Variants in RXYLT1 observed in about 807,000 individuals in gnomAD.
RXYLT1 encodes ribitol-5-phosphate xylosyltransferase 1.
RXYLT1 carries 41 observed loss-of-function variants against 43.5 expected under a neutral mutation model. That is an observed-to-expected ratio of 0.94 (90% CI 0.73 to 1.22). RXYLT1 has a LOEUF of 1.22. Ranked by LOEUF, RXYLT1 falls within the 50% of genes most tolerant of loss-of-function variation. The pLI is 0.00. For missense variants in RXYLT1, 514 were observed against 532.0 expected, an observed-to-expected ratio of 0.97 and a Z score of 0.33; for synonymous variants, 166 against 194.4, an observed-to-expected ratio of 0.85 and a Z score of 1.21.
chr12:63,798,659 A>G (rs1045740635), intron 3 of RXYLT1, among the ~76,000 whole-genome samples: 1 of 152,224 alleles, frequency 6.6e-6, no homozygotes, highest in Non-Finnish European at 1.5e-5. Flanking sequence ...TCAACATTAG[A>G]TTACCCTGCA....
At chr12:63,800,657 A>G (rs937718831) in intron 3 of RXYLT1, among the ~76,000 whole-genome samples, 1 of 152,236 alleles carries the variant, frequency 6.6e-6, no homozygotes, top group Non-Finnish European at 1.5e-5. Context: ...ACAGTGGCTC[A>G]TACCTGTAAT....
In RXYLT1 at chr12:63,808,982, A is replaced by G. The variant is rs1355929242; in HGVS notation, c.1222A>G (p.Ile408Val). ...GAAAACTATAATTTTACAAGAAAAA[A>G]TTGAAAGAAGAAAAATGTTACTTCA... is the stretch of plus-strand genomic sequence containing the variant. ...KEKTIILQEK[I>V]ERRKMLLQWY... The change falls in exon 6 of 6, where the codon ATT becomes GTT. Residue 408 changes from isoleucine (I) to valine (V), a missense_variant. Physicochemically the swap from Ile to Val is conservative, Grantham distance 29 (BLOSUM62 3). Transcript: ENST00000261234. 1 of 1,612,694 alleles carries G rather than the reference A, an allele frequency of 6.2e-7. No individual in the cohort carries two copies. Among genetic ancestry groups the G allele is most frequent in the Admixed American group, 1.7e-5 (1 of 59,768 alleles).
chr12:63,798,773 T>G (rs1410681050), intron 3 of RXYLT1, among the ~76,000 whole-genome samples: 2 of 152,206 alleles, frequency 1.3e-5, no homozygotes, highest in Non-Finnish European at 2.9e-5. Flanking sequence ...GAAATGACAC[T>G]GACAGTGTCC....
chr12:63,805,958 C>T (rs755259049), intron 5 of RXYLT1: 3 of 152,200 alleles, frequency 2.0e-5, no homozygotes, highest in Non-Finnish European at 4.4e-5. Flanking sequence ...ATGTAGTAAC[C>T]AGGAAACAGG....
intron 3 of RXYLT1, among the ~76,000 whole-genome samples, chr12:63,792,631 A>G (rs987306078): frequency 6.6e-6 from 1 of 152,212 alleles, no homozygotes; most frequent in African/African-American, 2.4e-5. Flanking sequence ...AATGGAAAGA[A>G]TCCTGAGTCA....
intron 4 of RXYLT1, chr12:63,804,504 C>T (rs370690442): frequency 6.6e-6 from 1 of 151,950 alleles, no homozygotes; most frequent in Admixed American, 6.6e-5. Flanking sequence ...TTTTCAGAGC[C>T]CTTTGCAATA....
In RXYLT1 at chr12:63,808,987, A is replaced by G; in HGVS notation, c.1227A>G (p.Glu409=). The G allele has an allele frequency of 6.2e-7, 1 of 1,612,522 alleles. No individual in the cohort carries two copies. The highest frequency in any genetic ancestry group is 8.5e-7 in the Non-Finnish European group (1 of 1,179,328). Residue 409 remains glutamate (E), a synonymous_variant, in exon 6 of 6, where the codon GAA becomes GAG. Transcript: ENST00000261234. ...EKTIILQEKI[E]RRKMLLQWYQ... ...CTATAATTTTACAAGAAAAAATTGAAAGAAGAAAAATGTTACTTCAGTGGT... is the reference window on the plus strand; with the variant it reads ...CTATAATTTTACAAGAAAAAATTGAGAGAAGAAAAATGTTACTTCAGTGGT...
At chr12:63,789,278 G>A (rs1303394266) in intron 3 of RXYLT1, among the ~76,000 whole-genome samples, 2 of 152,200 alleles carry the variant, frequency 1.3e-5, no homozygotes, top group Admixed American at 6.5e-5. Flanking sequence ...GGAGAAATGG[G>A]GGAATACTGG....
intron 1 of RXYLT1, 114 bp from the exon 2 acceptor site, chr12:63,780,905 T>C (rs1312130092): frequency 2.2e-6 from 2 of 925,906 alleles, no homozygotes; most frequent in East Asian, 2.9e-5. Flanking sequence ...TTGCTGTACC[T>C]CTCAGAAATT....
chr12:63,785,888 A>G (rs2136222434), intron 3 of RXYLT1, among the ~76,000 whole-genome samples: 1 of 152,216 alleles, frequency 6.6e-6, no homozygotes, highest in African/African-American at 2.4e-5. Flanking sequence ...ATTTTGTTCT[A>G]ATTTTTACTA....
chr12:63,802,063 C>CT, intron 3 of RXYLT1, 28 bp from the exon 4 acceptor site: 2 of 1,540,674 alleles, frequency 1.3e-6, no homozygotes, highest in Non-Finnish European at 1.7e-6. Flanking sequence ...TTGTTTGTCT[C>CT]TTGTTTTTGT....
intron 3 of RXYLT1, among the ~76,000 whole-genome samples, chr12:63,787,023 A>C (rs1423151327): frequency 1.3e-5 from 2 of 152,138 alleles, no homozygotes; most frequent in Non-Finnish European, 2.9e-5. Flanking sequence ...CTGAGGCAAA[A>C]GAATCCTTGA....
At chr12:63,795,367 G>A (rs986804121) in intron 3 of RXYLT1, 3 of 152,342 alleles carry the variant, frequency 2.0e-5, no homozygotes. Flanking sequence ...GGCTGAAGTA[G>A]GAGGATTGCT....
chr12:63,791,039 C>G (rs911005647), intron 3 of RXYLT1, among the ~76,000 whole-genome samples: 2 of 152,100 alleles, frequency 1.3e-5, no homozygotes, highest in African/African-American at 4.8e-5. Context: ...CCATTACTGT[C>G]TCTTACCCCT....
chr12:63,783,114 A>G (rs1297170279), intron 2 of RXYLT1, among the ~76,000 whole-genome samples: 1 of 152,230 alleles, frequency 6.6e-6, no homozygotes, highest in East Asian at 1.9e-4. Context: ...TCATCCTTCC[A>G]GTTTCTAATA....
chr12:63,781,416 T>A (rs555210814), intron 2 of RXYLT1, among the ~76,000 whole-genome samples: 35 of 152,336 alleles, frequency 2.3e-4, no homozygotes, highest in African/African-American at 8.4e-4. Context: ...TATTGATACA[T>A]TGAGTAGGCT....
intron 4 of RXYLT1, chr12:63,804,350 C>T (rs368162258): frequency 2.0e-5 from 3 of 152,120 alleles, no homozygotes; most frequent in African/African-American, 4.8e-5. Flanking sequence ...ATTTTGTTCT[C>T]GTGTGAAAGT....
intron 1 of RXYLT1, chr12:63,780,605 T>A (rs1897658064): frequency 1.2e-6 from 1 of 803,908 alleles, no homozygotes; most frequent in African/African-American, 1.9e-5. Flanking sequence ...TCTTTCCCTT[T>A]ATTCAGAATT....
At chr12:63,796,931 G>A (rs1898045663) in intron 3 of RXYLT1, among the ~76,000 whole-genome samples, 1 of 150,852 alleles carries the variant, frequency 6.6e-6, no homozygotes, top group Non-Finnish European at 1.5e-5. Context: ...AGAATTTAGG[G>A]CCTAAAGAAA....
Sources: allele counts gnomAD v4.1 joint callset (sites outside exome capture counted in the v4.1 genomes callset), GRCh38; gene constraint gnomAD v4.1.1; transcripts MANE v1.5; gene names NCBI Gene and HGNC (gene_info 2026-07-23, HGNC 2026-07-21).